SORBS2: variants seen among roughly 807,000 people sequenced by gnomAD.
SORBS2 encodes the protein sorbin and SH3 domain containing 2, also known as sorbin and SH3 domain-containing protein 2.
In SORBS2, 46 loss-of-function variants were observed where a neutral mutation model predicts 97.7. The ratio of observed to expected loss-of-function variants is 0.47; its 90% CI spans 0.37 to 0.60. The LOEUF (loss-of-function observed/expected upper bound fraction) is 0.60. Among genes scored for constraint, SORBS2 ranks in the 20% least tolerant of loss-of-function variants. The pLI is 0.00. For missense variants in SORBS2, 1,316 were observed against 1,282.3 expected, an observed-to-expected ratio of 1.03 and a Z score of -0.40; for synonymous variants, 476 against 473.4, an observed-to-expected ratio of 1.01 and a Z score of -0.07.
chr4:185,883,219 T>TA (rs1284989181), intron 1 of SORBS2, among the ~76,000 whole-genome samples: 2 of 152,150 alleles, frequency 1.3e-5, no homozygotes, highest in Non-Finnish European at 2.9e-5. Flanking sequence ...AAAACTCAAT[T>TA]CAATTTTTAA....
chr4:185,777,735 C>G (rs1314450450), intron 1 of SORBS2, among the ~76,000 whole-genome samples: 1 of 151,800 alleles, frequency 6.6e-6, no homozygotes, highest in African/African-American at 2.4e-5. Flanking sequence ...CTAGTCAGAA[C>G]TGAGATGTCA....
exon 1 of SORBS2, chr4:185,656,625 G>T: frequency 6.4e-7 from 1 of 1,550,702 alleles, no homozygotes. Context: ...CTGCAAAGGT[G>T]TTGTTGCTTT....
chr4:185,820,734 G>A (rs10005284), intron 1 of SORBS2, among the ~76,000 whole-genome samples: 2,429 of 152,210 alleles, frequency 0.016, 57 homozygotes, highest in African/African-American at 0.054. Context: ...TGGCAGTCCC[G>A]GGACTTCACA....
At chr4:185,618,057 G>A (rs912343623) in intron 9 of SORBS2, among the ~76,000 whole-genome samples, 8 of 152,084 alleles carry the variant, frequency 5.3e-5, no homozygotes, top group African/African-American at 1.2e-4. Flanking sequence ...TTATGGCAGC[G>A]TCTACCTCCC....
chr4:185,876,840 T>G (rs905324723), intron 1 of SORBS2, among the ~76,000 whole-genome samples: 7 of 152,206 alleles, frequency 4.6e-5, no homozygotes, highest in African/African-American at 1.7e-4. Flanking sequence ...GATGCTGGAA[T>G]GAGAGGTATA....
rs142666770 is a variant in SORBS2 at position 185,732,251 on chromosome 4, T to C, written c.-198+42976A>G. ...ACAATCAAGAGGACACATCAGGCTT[T>C]AGAAAAACTCATTCCCTTGGAAGAT... On this transcript the variant is annotated intron_variant, in intron 2 of 20. Transcript: ENST00000284776. Among the ~76,000 whole-genome samples, 874 of 152,228 alleles carry C rather than the reference T, an allele frequency of 5.7e-3. 4 individuals carry two copies. The highest frequency in any genetic ancestry group is 0.014 in the Middle Eastern group (4 of 294).
chr4:185,611,000 AT>A (rs1406733624), intron 12 of SORBS2, among the ~76,000 whole-genome samples: 1 of 152,146 alleles, frequency 6.6e-6, no homozygotes, highest in Non-Finnish European at 1.5e-5. Context: ...GTACAGACAA[AT>A]AGCCTTTTTA....
intron 2 of SORBS2, among the ~76,000 whole-genome samples, chr4:185,760,505 G>A (rs2098873422): frequency 6.6e-6 from 1 of 152,236 alleles, no homozygotes; most frequent in Non-Finnish European, 1.5e-5. Context: ...GGAGATTGCA[G>A]TGAGCTGAGA....
intron 1 of SORBS2, among the ~76,000 whole-genome samples, chr4:185,857,176 G>C (rs181579555): frequency 2.6e-5 from 4 of 152,296 alleles, no homozygotes; most frequent in Admixed American, 1.3e-4. Context: ...TGCTGAACCC[G>C]CAGCAGAAGA....
At chr4:185,823,066 C>T (rs1013443577) in intron 1 of SORBS2, among the ~76,000 whole-genome samples, 1 of 152,244 alleles carries the variant, frequency 6.6e-6, no homozygotes, top group African/African-American at 2.4e-5. Flanking sequence ...ATGTAAAGTG[C>T]CGTTTTACGG....
chr4:185,781,603 C>CCTCCCGCCTCTCCAGCCTCCCTTCCA (rs1560991418), intron 1 of SORBS2, among the ~76,000 whole-genome samples: 3 of 128,360 alleles, frequency 2.3e-5, no homozygotes. Flanking sequence ...CCTCCCTTCC[C>CCTCCCGCCTCTCCAGCCTCCCTTCCA]TTGCCTCCGG....
intron 2 of SORBS2, among the ~76,000 whole-genome samples, chr4:185,744,090 TCC>T (rs2098745386): frequency 7.3e-6 from 1 of 137,592 alleles, no homozygotes; most frequent in Admixed American, 7.5e-5. Context: ...CTCTTCCACT[TCC>T]CCCTTTCTCT....
chr4:185,736,013 T>C (rs2098684128), intron 2 of SORBS2, among the ~76,000 whole-genome samples: 1 of 152,228 alleles, frequency 6.6e-6, no homozygotes, highest in African/African-American at 2.4e-5. Context: ...ATTTCCCATT[T>C]GTGGATGGAG....
At chr4:185,739,331 T>C (rs1428104706) in intron 2 of SORBS2, among the ~76,000 whole-genome samples, 2 of 152,096 alleles carry the variant, frequency 1.3e-5, no homozygotes, top group East Asian at 1.9e-4. Flanking sequence ...ATGTGAAAAA[T>C]ATTCATAGAG....
At chr4:185,829,576 A>G (rs968466687) in intron 1 of SORBS2, among the ~76,000 whole-genome samples, 1 of 152,216 alleles carries the variant, frequency 6.6e-6, no homozygotes, top group African/African-American at 2.4e-5. Context: ...CACTAGACAC[A>G]CAGACACACA....
In SORBS2 at chr4:185,795,609, T is replaced by C. The variant is rs528269779; in HGVS notation, c.-337-20243A>G. Reference sequence around the variant, plus strand: ...AAATCATTACTATTTTTTATACTTGTTGAAATCATATTTTGGCTGTACTAG... The same window carrying C: ...AAATCATTACTATTTTTTATACTTGCTGAAATCATATTTTGGCTGTACTAG... On this transcript the variant is annotated intron_variant, in intron 1 of 20. Transcript: ENST00000284776. Among the ~76,000 whole-genome samples, 10 of 152,358 alleles carry C rather than the reference T, an allele frequency of 6.6e-5. No individual in the cohort carries two copies. In the South Asian group the frequency reaches 8.3e-4, roughly 13 times the overall value.
intron 1 of SORBS2, among the ~76,000 whole-genome samples, chr4:185,934,853 G>A (rs2099268205): frequency 1.3e-5 from 2 of 151,776 alleles, no homozygotes; most frequent in Admixed American, 6.6e-5. Context: ...TACTCAAGAC[G>A]GGGTCTGTCT....
chr4:185,771,595 C>T (rs1399712761), intron 2 of SORBS2: 2 of 152,204 alleles, frequency 1.3e-5, no homozygotes, highest in Non-Finnish European at 2.9e-5. Context: ...ACTAGGGCAT[C>T]CACTGCATGT....
rs2153392590 is a variant in SORBS2 at position 185,606,302 on chromosome 4, AT to A, written c.2796+5477del. 1.0e-6 allele frequency: 1 copy of A among 979,168 alleles called. No individual in the cohort carries two copies. Among genetic ancestry groups the A allele is most frequent in the African/African-American group, 1.7e-5 (1 of 57,236 alleles). The allele number at this position is 979,168 out of a possible 1,614,324, so 60.7% of individuals were successfully genotyped here. A position where few individuals can be genotyped will look rare whatever the true frequency, so the allele number is the denominator to read the frequency against. On this transcript the variant is annotated intron_variant, in intron 12 of 14. Coordinates refer to ENST00000418609, the Ensembl canonical transcript of SORBS2. This position sits in a 1 kb window ranked among gnomAD's most constrained non-coding sequence, Gnocchi z 4.3. ...TCCACTATTAGCTATCATTGTTAAT[AT>A]TGGAAGATTACAAAGACTATATCAA...
Sources: allele counts gnomAD v4.1 joint callset (sites outside exome capture counted in the v4.1 genomes callset), GRCh38; gene constraint gnomAD v4.1.1; non-coding constraint Gnocchi (gnomAD v3.1); transcripts MANE v1.5; gene names NCBI Gene and HGNC (gene_info 2026-07-23, HGNC 2026-07-21).